The following SLC24A3 variants were observed in gnomAD, a reference collection of about 807,000 sequenced individuals.
The protein encoded by SLC24A3 is sodium/potassium/calcium exchanger 3.
Under a neutral mutation model 75.8 loss-of-function variants are expected in SLC24A3, and 28 were observed. The ratio of observed to expected loss-of-function variants is 0.37; its 90% CI spans 0.27 to 0.51. The LOEUF is 0.51. SLC24A3 is among the 20% of genes least tolerant of loss of function. The pLI is 0.94. For missense variants in SLC24A3, 663 were observed against 847.8 expected (o/e 0.78, Z 2.71); for synonymous variants, 372 against 334.1 (o/e 1.11, Z -1.24).
chr20:19,262,457 C>G (rs1414886397), intron 1 of SLC24A3, among the ~76,000 whole-genome samples: 1 of 150,852 alleles, frequency 6.6e-6, no homozygotes, highest in South Asian at 2.1e-4. Context: ...ATCAGTAGCT[C>G]TCTCTGATAA....
At chr20:19,618,448 T>G (rs543177292) in intron 6 of SLC24A3, among the ~76,000 whole-genome samples, 2 of 152,338 alleles carry the variant, frequency 1.3e-5, no homozygotes, top group African/African-American at 4.8e-5. Context: ...TTTCCTGTTC[T>G]TATAAGGACA....
chr20:19,661,124 C>G (rs773289796), intron 7 of SLC24A3, among the ~76,000 whole-genome samples: 18 of 152,136 alleles, frequency 1.2e-4, no homozygotes, highest in African/African-American at 1.7e-4. Context: ...TTTTGGTTTT[C>G]CCTGCCCAGC....
At chr20:19,675,162 G>C (rs1262402037) in intron 9 of SLC24A3, among the ~76,000 whole-genome samples, 1 of 152,198 alleles carries the variant, frequency 6.6e-6, no homozygotes, top group Non-Finnish European at 1.5e-5. Flanking sequence ...GGCACCACTG[G>C]GATGAGGAGG....
chr20:19,481,201 G>A (rs1188016367), intron 2 of SLC24A3, among the ~76,000 whole-genome samples: 1 of 144,230 alleles, frequency 6.9e-6, no homozygotes, highest in Admixed American at 7.0e-5. Context: ...AAGAGAAGGT[G>A]CTACATTGCT....
rs148555838 is a variant in SLC24A3 at position 19,687,305 on chromosome 20, C to T, written c.1324+1944C>T. On this transcript the variant is annotated intron_variant, in intron 12 of 16. Transcript: ENST00000328041. ...TCACCTGGATGTGTGGAGCTCTTCC[C>T]GCCATCATTCCTAATCTCTCTGGCT... 8.5e-4 allele frequency among the ~76,000 whole-genome samples: 129 copies of T among 152,242 alleles called. 1 individual carries two copies. In the East Asian group the frequency reaches 0.015, roughly 17 times the overall value.
intron 2 of SLC24A3, among the ~76,000 whole-genome samples, chr20:19,409,205 T>C (rs997573932): frequency 6.6e-6 from 1 of 152,082 alleles, no homozygotes; most frequent in African/African-American, 2.4e-5. Context: ...GGAGACACCC[T>C]ATGAAGACCA....
At chr20:19,535,653 AG>A (rs1362830628) in intron 3 of SLC24A3, among the ~76,000 whole-genome samples, 13 of 152,192 alleles carry the variant, frequency 8.5e-5, no homozygotes, top group Admixed American at 6.5e-5. Flanking sequence ...AGAGAGTCTT[AG>A]GGGAGGTGAT....
At chr20:19,236,778 AAAAC>A (rs988413342) in intron 1 of SLC24A3, among the ~76,000 whole-genome samples, 5 of 152,054 alleles carry the variant, frequency 3.3e-5, no homozygotes, top group South Asian at 2.1e-4. Flanking sequence ...AAACAAACAA[AAAAC>A]AAACAAACTT....
At chr20:19,219,277 A>C (rs977126064) in intron 1 of SLC24A3, among the ~76,000 whole-genome samples, 1 of 150,932 alleles carries the variant, frequency 6.6e-6, no homozygotes, top group Non-Finnish European at 1.5e-5. Flanking sequence ...TCCCAGCCCT[A>C]CTCTTACCCT....
chr20:19,639,853 C>T (rs1462762122), intron 6 of SLC24A3, among the ~76,000 whole-genome samples: 1 of 152,260 alleles, frequency 6.6e-6, no homozygotes, highest in African/African-American at 2.4e-5. Flanking sequence ...CCCATTACAC[C>T]CTCCGCAGCC....
At chr20:19,575,762 T>C (rs1317495519) in intron 3 of SLC24A3, among the ~76,000 whole-genome samples, 1 of 152,186 alleles carries the variant, frequency 6.6e-6, no homozygotes, top group Non-Finnish European at 1.5e-5. Flanking sequence ...CTGTCTCATA[T>C]TTTGTAGTGC....
rs141834095 is a variant in SLC24A3 at position 19,440,095 on chromosome 20, A to G, written c.272-75393A>G. ...CTTTGCTGAAACACAGTGATGTGAG[A>G]ATCCTCAAGCACTGAAAACAGACAT... On this transcript the variant is annotated intron_variant, in intron 2 of 16. Coordinates refer to ENST00000328041, the MANE Select transcript of SLC24A3 (RefSeq NM_020689.4). Among the ~76,000 whole-genome samples the G allele has an allele frequency of 6.6e-5, 10 of 152,354 alleles. No homozygotes were observed. The East Asian group carries it at 1.9e-3, about 29-fold the overall frequency.
At chr20:19,353,528 A>C (rs16980375) in intron 2 of SLC24A3, among the ~76,000 whole-genome samples, 1,656 of 152,320 alleles carry the variant, frequency 0.011, 26 homozygotes, top group African/African-American at 0.036. Flanking sequence ...CTTATTGAGT[A>C]CCTTCAGTGT....
intron 2 of SLC24A3, among the ~76,000 whole-genome samples, chr20:19,343,026 TG>T (rs1399076700): frequency 7.4e-6 from 1 of 135,036 alleles, no homozygotes; most frequent in Non-Finnish European, 1.5e-5. Context: ...GCCGAGATCA[TG>T]CCACTGCACT....
intron 2 of SLC24A3, among the ~76,000 whole-genome samples, chr20:19,324,995 T>C (rs116700264): frequency 0.016 from 2,427 of 151,082 alleles, 56 homozygotes; most frequent in African/African-American, 0.055. Context: ...GCTTGGAAGG[T>C]GAATGGACGG....
At chr20:19,503,574 G>A (rs1162644681) in intron 2 of SLC24A3, among the ~76,000 whole-genome samples, 1 of 152,156 alleles carries the variant, frequency 6.6e-6, no homozygotes, top group Non-Finnish European at 1.5e-5. Context: ...TTGAATGTAT[G>A]GTAACATAAA....
chr20:19,282,769 G>C (rs968026535), intron 2 of SLC24A3, among the ~76,000 whole-genome samples: 3 of 152,202 alleles, frequency 2.0e-5, no homozygotes, highest in Non-Finnish European at 4.4e-5. Context: ...CAGCAAGGAT[G>C]GGGGGATTCT....
At chr20:19,480,259 T>C (rs1988032012) in intron 2 of SLC24A3, among the ~76,000 whole-genome samples, 1 of 152,204 alleles carries the variant, frequency 6.6e-6, no homozygotes, top group South Asian at 2.1e-4. Context: ...ATGAGTGAGC[T>C]AAGAGAAGTC....
chr20:19,309,971 C>T (rs6045986), intron 2 of SLC24A3, among the ~76,000 whole-genome samples: 23,399 of 151,852 alleles, frequency 0.15, 4,418 homozygotes, highest in African/African-American at 0.43. Context: ...TATCAGTGTC[C>T]GACCAGCCTG....
Sources: gnomAD v4.1 joint callset for allele counts (sites outside exome capture counted in the v4.1 genomes callset) on GRCh38, gnomAD v4.1.1 for gene constraint, MANE v1.5 for transcripts, NCBI Gene and HGNC (gene_info 2026-07-23, HGNC 2026-07-21) for gene names.